The following KSR2 variants were observed in gnomAD, a reference collection of about 807,000 sequenced individuals.
The protein encoded by KSR2 is kinase suppressor of ras 2.
KSR2 carries 25 observed loss-of-function variants against 107.8 expected under a neutral mutation model. The observed-to-expected ratio is 0.23, with a 90% CI of 0.17 to 0.32. The LOEUF is 0.32. KSR2 is among the 10% of genes least tolerant of loss of function. KSR2 has a pLI of 1.00. For synonymous variants in KSR2, 480 were observed against 507.0 expected (o/e 0.95, Z 0.71); for missense variants, 887 against 1,268.9 (o/e 0.70, Z 4.57).
At chr12:117,602,841 T>C (rs10850855) in intron 5 of KSR2, among the ~76,000 whole-genome samples, 21,590 of 152,220 alleles carry the variant, frequency 0.14, 1,751 homozygotes, top group Non-Finnish European at 0.18. Context: ...TCTTTTTCAT[T>C]GCCAAAGCCC....
At chr12:117,925,689 C>A (rs1289746922) in intron 1 of KSR2, among the ~76,000 whole-genome samples, 1 of 152,086 alleles carries the variant, frequency 6.6e-6, no homozygotes, top group Non-Finnish European at 1.5e-5. Flanking sequence ...TAAATCCTAA[C>A]CCTGATAGGT....
chr12:117,793,156 G>A (rs1890336170), intron 3 of KSR2, among the ~76,000 whole-genome samples: 1 of 121,610 alleles, frequency 8.2e-6, no homozygotes, highest in South Asian at 2.8e-4. Flanking sequence ...ATACCAATAT[G>A]CACGCACACC....
chr12:117,709,524 A>C (rs893230079), intron 4 of KSR2, among the ~76,000 whole-genome samples: 2 of 152,034 alleles, frequency 1.3e-5, no homozygotes, highest in Admixed American at 6.6e-5. Flanking sequence ...GGGTCTTACT[A>C]TCTTGCTCGG....
chr12:117,541,115 G>C (rs973929595), intron 9 of KSR2, among the ~76,000 whole-genome samples: 24 of 151,838 alleles, frequency 1.6e-4, no homozygotes, highest in Admixed American at 2.0e-4. Flanking sequence ...AGGCAGGCAG[G>C]GGGGAACAGT....
chr12:117,517,022 C>G (rs1266723850), intron 14 of KSR2, among the ~76,000 whole-genome samples: 1 of 152,110 alleles, frequency 6.6e-6, no homozygotes, highest in Non-Finnish European at 1.5e-5. Context: ...CACAGACCAC[C>G]CCCCTCCATA....
intron 4 of KSR2, among the ~76,000 whole-genome samples, chr12:117,687,278 T>A (rs1284438295): frequency 6.6e-6 from 1 of 152,162 alleles, no homozygotes; most frequent in Non-Finnish European, 1.5e-5. Flanking sequence ...CAATTAAACA[T>A]CAGCAAGTAT....
intron 5 of KSR2, among the ~76,000 whole-genome samples, chr12:117,585,952 C>T (rs959129951): frequency 2.0e-5 from 3 of 152,268 alleles, no homozygotes; most frequent in Non-Finnish European, 2.9e-5. Context: ...ATTCTTCTCC[C>T]CTTGCACAGG....
intron 4 of KSR2, among the ~76,000 whole-genome samples, chr12:117,696,351 A>G (rs1326702517): frequency 6.6e-6 from 1 of 152,226 alleles, no homozygotes; most frequent in Non-Finnish European, 1.5e-5. Context: ...TTTCAAAAGT[A>G]ATCATGGCAG....
At position 117,727,371 on chromosome 12, in the gene KSR2, T is replaced by C. The variant is rs192681751; in HGVS notation, c.986+33640A>G. Reference sequence around the variant, plus strand: ...GCCTGGGTGACAGAACCAGACCCTGTGAAGAAAAAGAAGGAAGAAGGAGCA... The same window carrying C: ...GCCTGGGTGACAGAACCAGACCCTGCGAAGAAAAAGAAGGAAGAAGGAGCA... On this transcript the variant is annotated intron_variant, in intron 4 of 19. Coordinates refer to ENST00000339824, the MANE Select transcript of KSR2 (RefSeq NM_173598.6). 1.5e-3 allele frequency among the ~76,000 whole-genome samples: 226 copies of C among 147,714 alleles called. 1 individual carries two copies. The highest frequency in any genetic ancestry group is 3.4e-3 in the Middle Eastern group (1 of 290).
intron 1 of KSR2, among the ~76,000 whole-genome samples, chr12:117,881,475 T>G (rs180858550): frequency 1.3e-5 from 2 of 152,338 alleles, no homozygotes; most frequent in Admixed American, 1.3e-4. Context: ...GTTAGTATGG[T>G]GACTGTCCCA....
intron 4 of KSR2, among the ~76,000 whole-genome samples, chr12:117,734,565 G>A (rs1201725524): frequency 1.3e-5 from 2 of 152,028 alleles, no homozygotes; most frequent in Non-Finnish European, 2.9e-5. Context: ...CAGCCCCATC[G>A]CTCCCTCTTA....
chr12:117,787,828 C>A (rs942906341), intron 3 of KSR2, among the ~76,000 whole-genome samples: 1 of 152,148 alleles, frequency 6.6e-6, no homozygotes, highest in Non-Finnish European at 1.5e-5. Context: ...GGATGAACTG[C>A]CATCTGTCTC....
chr12:117,863,652 C>T (rs1432074014), intron 1 of KSR2, among the ~76,000 whole-genome samples: 2 of 152,194 alleles, frequency 1.3e-5, no homozygotes, highest in Non-Finnish European at 2.9e-5. Flanking sequence ...TAACCACATA[C>T]TAAGTGGCTA....
At chr12:117,512,472 CA>C (rs1179291731) in intron 14 of KSR2, among the ~76,000 whole-genome samples, 2 of 152,182 alleles carry the variant, frequency 1.3e-5, no homozygotes, top group African/African-American at 2.4e-5. Context: ...GACTGTTAAA[CA>C]TTGTTAAAGT....
In KSR2 at chr12:117,897,833, C is replaced by G. The variant is rs1894561189; in HGVS notation, c.181-37402G>C. On this transcript the variant is annotated intron_variant, in intron 1 of 19. Transcript: ENST00000339824. The surrounding 1 kb of genome is among the most constrained non-coding windows in gnomAD (Gnocchi z 4.5). ...ATTGTTGGGAATATTGTTTTATTTT[C>G]CTATGAAAACACCCCCACAGAAGTT... 6.6e-6 allele frequency among the ~76,000 whole-genome samples: 1 copy of G among 152,016 alleles called. No homozygotes were observed. The highest frequency in any genetic ancestry group is 2.4e-5 in the African/African-American group (1 of 41,376).
At chr12:117,939,823 C>T (rs1300341382) in intron 1 of KSR2, among the ~76,000 whole-genome samples, 4 of 151,642 alleles carry the variant, frequency 2.6e-5, no homozygotes, top group African/African-American at 9.7e-5. Context: ...CGCCTATAAC[C>T]CAAGCTACTC....
intron 3 of KSR2, among the ~76,000 whole-genome samples, chr12:117,794,241 A>G (rs997889173): frequency 8.6e-5 from 8 of 93,196 alleles, no homozygotes; most frequent in Non-Finnish European, 1.2e-4. Context: ...ATGCACACTC[A>G]CACCAACATG....
chr12:117,613,860 C>T (rs1443152661), intron 5 of KSR2, among the ~76,000 whole-genome samples: 1 of 152,172 alleles, frequency 6.6e-6, no homozygotes, highest in African/African-American at 2.4e-5. Context: ...TTCCCTGCTT[C>T]TCCATCCTTC....
intron 3 of KSR2, among the ~76,000 whole-genome samples, chr12:117,838,025 T>C (rs1364143103): frequency 6.6e-6 from 1 of 152,168 alleles, no homozygotes; most frequent in East Asian, 1.9e-4. Context: ...GACTCCTATA[T>C]AGGAGTGACC....
Sources: gnomAD v4.1 joint callset for allele counts (sites outside exome capture counted in the v4.1 genomes callset) on GRCh38, gnomAD v4.1.1 for gene constraint, Gnocchi (gnomAD v3.1) non-coding constraint, MANE v1.5 for transcripts, NCBI Gene and HGNC (gene_info 2026-07-23, HGNC 2026-07-21) for gene names.